PTPRE: variants seen among roughly 807,000 people sequenced by gnomAD.
The protein encoded by PTPRE is protein tyrosine phosphatase receptor type E, also known as receptor-type tyrosine-protein phosphatase epsilon.
A neutral mutation model predicts 102.0 loss-of-function variants in PTPRE; 51 were observed. The ratio of observed to expected loss-of-function variants is 0.50; its 90% confidence interval spans 0.40 to 0.63. The LOEUF (loss-of-function observed/expected upper bound fraction) is 0.63, where lower values mean the gene tolerates loss of function less well. Among genes scored for constraint, PTPRE ranks in the 30% least tolerant of loss-of-function variants. PTPRE has a pLI of 0.00. For synonymous variants in PTPRE, 345 were observed against 348.2 expected (o/e 0.99, Z 0.10); for missense variants, 752 against 915.1 (o/e 0.82, Z 2.30).
At position 128,083,268 on chromosome 10, in the gene PTPRE, A is replaced by AT. The variant is rs1415455831; in HGVS notation, c.*362_*363insT. On this transcript the variant is annotated 3_prime_UTR_variant, in exon 21 of 21. Transcript: ENST00000254667. ...TACTAACACAAAGCTCATGTTAAGA[A>AT]AACAGTTGAGGACTCAGAAGTCAGT... 6.3e-6 allele frequency: 1 copy of AT among 158,414 alleles called. No individual in the cohort carries two copies. Among genetic ancestry groups the AT allele is most frequent in the Non-Finnish European group, 1.3e-5 (1 of 74,612 alleles). 9.8% of individuals were successfully genotyped at this position (158,414 alleles called of 1,614,324 possible). A position where few individuals can be genotyped will look rare whatever the true frequency, so the allele number is the denominator to read the frequency against.
chr10:127,928,811 A>G lies in PTPRE; in HGVS notation c.-31+21502A>G, dbSNP rs536570252. On this transcript the variant is annotated intron_variant, in intron 1 of 20. Transcript: ENST00000254667. ...GAAAAACATCATAGCATTCATTTTT[A>G]TATCAATCTTCATTCAGCCCAATAT... is the stretch of plus-strand genomic sequence containing the variant. Among the ~76,000 whole-genome samples, 6 of 152,350 alleles carry G rather than the reference A, an allele frequency of 3.9e-5. No homozygotes were observed. In the South Asian group the frequency reaches 6.2e-4, roughly 16 times the overall value.
intron 2 of PTPRE, among the ~76,000 whole-genome samples, chr10:128,033,145 G>A (rs889313047): frequency 9.2e-5 from 14 of 152,226 alleles, no homozygotes; most frequent in African/African-American, 3.4e-4. Flanking sequence ...GAAGAACCCT[G>A]CACCTGAGGA....
At chr10:127,911,586 G>C (rs2135130108) in intron 1 of PTPRE, among the ~76,000 whole-genome samples, 1 of 152,302 alleles carries the variant, frequency 6.6e-6, no homozygotes, top group East Asian at 1.9e-4. Flanking sequence ...GGGCTGTCCT[G>C]GGCCATCTCT....
intron 2 of PTPRE, among the ~76,000 whole-genome samples, chr10:128,025,906 T>C (rs1846257054): frequency 6.6e-6 from 1 of 152,154 alleles, no homozygotes; most frequent in Admixed American, 6.5e-5. Flanking sequence ...GCAGGGGGCA[T>C]GTTTATATGG....
intron 2 of PTPRE, among the ~76,000 whole-genome samples, chr10:127,994,248 T>C (rs958971905): frequency 4.6e-5 from 7 of 152,196 alleles, no homozygotes; most frequent in Admixed American, 4.6e-4. Context: ...CGAAGGACTT[T>C]CTTTTCCGGG....
Position 127,983,955 on chromosome 10 carries a change from G to C in PTPRE, c.-8+1659G>C, listed in dbSNP as rs185990324. ...GCCCCACCCGAAGGTCACTGAACGT[G>C]TGTGCAGGAGCTGACTTCCTGTCCT... On this transcript the variant is annotated intron_variant, in intron 2 of 20. Coordinates refer to ENST00000254667, the MANE Select transcript of PTPRE (RefSeq NM_006504.6). 1.6e-3 allele frequency among the ~76,000 whole-genome samples: 251 copies of C among 152,268 alleles called. 4 individuals are homozygous for C. The highest frequency in any genetic ancestry group is 2.4e-4 in the Non-Finnish European group (16 of 68,022).
chr10:127,999,774 T>G, intron 2 of PTPRE: 1 of 985,454 alleles, frequency 1.0e-6, no homozygotes, highest in Non-Finnish European at 1.2e-6. Context: ...GGTGACATAG[T>G]GTGAGTGCCG....
intron 3 of PTPRE, among the ~76,000 whole-genome samples, chr10:128,041,530 C>T (rs1196912213): frequency 6.6e-6 from 1 of 151,030 alleles, no homozygotes; most frequent in Non-Finnish European, 1.5e-5. Context: ...CGCCTGTAGT[C>T]CCAGCCACTC....
At chr10:128,038,012 A>C (rs1847370261) in intron 2 of PTPRE, among the ~76,000 whole-genome samples, 1 of 140,042 alleles carries the variant, frequency 7.1e-6, no homozygotes, top group African/African-American at 2.7e-5. Context: ...TTTCCTGGGC[A>C]GGCTAGTCTT....
rs1432399850 is a variant in PTPRE, at chr10:127,927,190, C to T, written c.-31+19881C>T. On this transcript the variant is annotated intron_variant, in intron 1 of 20. Coordinates refer to ENST00000254667, the MANE Select transcript of PTPRE (RefSeq NM_006504.6). ...AGGCAGGTACACTGGATGCCCCCCA[C>T]CCCCCCGGGGGTTGGGTTCTCGCTC... Among the ~76,000 whole-genome samples, 6 of 143,070 alleles carry T rather than the reference C, an allele frequency of 4.2e-5. No individual in the cohort carries two copies. In the East Asian group the frequency reaches 1.2e-3, roughly 28 times the overall value. 93.9% of individuals were successfully genotyped at this position (143,070 alleles called of 152,430 possible). A position where few individuals can be genotyped will look rare whatever the true frequency, so the allele number is the denominator to read the frequency against.
At chr10:127,981,408 G>A (rs531176147) in intron 1 of PTPRE, among the ~76,000 whole-genome samples, 67 of 152,254 alleles carry the variant, frequency 4.4e-4, no homozygotes, top group African/African-American at 1.4e-3. Flanking sequence ...GTTTCAAGCT[G>A]GGTGAATATA....
At chr10:127,939,555 T>C (rs115184199) in intron 1 of PTPRE, among the ~76,000 whole-genome samples, 1,936 of 151,644 alleles carry the variant, frequency 0.013, 40 homozygotes, top group African/African-American at 0.044. Context: ...GGAGGATACA[T>C]GGAGAAAAAA....
chr10:128,083,060 T>TC lies in PTPRE; in HGVS notation c.*155dup. On this transcript the variant is annotated 3_prime_UTR_variant, in exon 21 of 21. Transcript: ENST00000254667. ...GGCCACCTGCTATACAGTTGTTAAA[T>TC]CTTAAATATGCTTTTTAAAAATTGG... The TC allele has an allele frequency of 1.7e-6, 1 of 604,112 alleles. No individual in the cohort carries two copies. The highest frequency in any genetic ancestry group is 2.5e-6 in the Non-Finnish European group (1 of 401,898). The allele number at this position is 604,112 out of a possible 1,614,324, so 37.4% of individuals were successfully genotyped here.
At chr10:128,063,318 A>C in intron 10 of PTPRE, 138 bp downstream of exon 10, 1 of 1,430,672 alleles carries the variant, frequency 7.0e-7, no homozygotes, top group Non-Finnish European at 9.3e-7. Flanking sequence ...AAACACATGC[A>C]GTGGCTTACA....
rs1445874665 is a variant in PTPRE at position 127,944,721 on chromosome 10, TC to T, written c.-31+37414del. ...TGTGTATTTGAAAGATCTCTGTGGC[TC>T]CACGTGGATAGCAGGCTGGTGTAGG... On this transcript the variant is annotated intron_variant, in intron 1 of 20. Coordinates refer to ENST00000254667, the MANE Select transcript of PTPRE (RefSeq NM_006504.6). This position sits in a 1 kb window ranked among gnomAD's most constrained non-coding sequence, Gnocchi z 4.2. 6.6e-6 allele frequency among the ~76,000 whole-genome samples: 1 copy of T among 152,190 alleles called. No homozygotes were observed. The highest frequency in any genetic ancestry group is 1.5e-5 in the Non-Finnish European group (1 of 68,036).
At chr10:127,935,054 C>A (rs1331270429) in intron 1 of PTPRE, among the ~76,000 whole-genome samples, 8 of 152,182 alleles carry the variant, frequency 5.3e-5, no homozygotes, top group Non-Finnish European at 7.3e-5. Flanking sequence ...GCAGGTGCTC[C>A]CATCTGTGTT....
rs374544706 is a variant in PTPRE at position 128,009,175 on chromosome 10, A to G, written c.-8+26879A>G. ...CAGCCTGCACATTCTGGAGGTTCAT[A>G]TCTTTGGGACTGAAAATTGGGGTCC... On this transcript the variant is annotated intron_variant, in intron 2 of 20. Coordinates refer to ENST00000254667, the MANE Select transcript of PTPRE (RefSeq NM_006504.6). Among the ~76,000 whole-genome samples the G allele has an allele frequency of 3.3e-5, 5 of 152,306 alleles. No individual in the cohort carries two copies. The East Asian group carries it at 9.7e-4, about 29-fold the overall frequency.
intron 2 of PTPRE, among the ~76,000 whole-genome samples, chr10:128,006,238 A>G (rs1477048459): frequency 6.6e-6 from 1 of 152,208 alleles, no homozygotes; most frequent in Non-Finnish European, 1.5e-5. Context: ...CCCAAAACCA[A>G]CCTGGTGCAT....
intron 1 of PTPRE, chr10:127,929,263 T>G (rs1041266507): frequency 1.3e-5 from 2 of 152,248 alleles, no homozygotes; most frequent in Non-Finnish European, 2.9e-5. Flanking sequence ...TCTTCCATGA[T>G]GTATGCTGTG....
Sources: gnomAD v4.1 joint callset for allele counts (sites outside exome capture counted in the v4.1 genomes callset) on GRCh38, gnomAD v4.1.1 for gene constraint, Gnocchi (gnomAD v3.1) non-coding constraint, MANE v1.5 for transcripts, NCBI Gene and HGNC (gene_info 2026-07-23, HGNC 2026-07-21) for gene names.